FKBP6: variants seen among roughly 807,000 people sequenced by gnomAD.
FKBP6 encodes the protein inactive peptidyl-prolyl cis-trans isomerase FKBP6.
A neutral mutation model predicts 41.7 loss-of-function variants in FKBP6; 29 were observed. The ratio of observed to expected loss-of-function variants is 0.70; its 90% CI spans 0.52 to 0.95. FKBP6 has a LOEUF of 0.95. Ranked by LOEUF, FKBP6 falls within the 40% of genes least tolerant of loss-of-function variation. The probability of loss-of-function intolerance (pLI) is 0.00; values close to 1 mark genes in which losing one functional copy is unlikely to be tolerated. For missense variants in FKBP6, 338 were observed against 408.7 expected (o/e 0.83, Z 1.49); for synonymous variants, 130 against 165.1 (o/e 0.79, Z 1.63).
At chr7:73,335,987 C>A (rs1345785679) in intron 5 of FKBP6, among the ~76,000 whole-genome samples, 1 of 152,176 alleles carries the variant, frequency 6.6e-6, no homozygotes, top group Non-Finnish European at 1.5e-5. Context: ...TGTGTCTCCA[C>A]CTTTTGCTCA....
rs530329798 is a variant in FKBP6, at chr7:73,328,899, C to G, written c.175+207C>G. 1.1e-3 allele frequency among the ~76,000 whole-genome samples: 165 copies of G among 152,176 alleles called. 1 individual carries two copies. Among genetic ancestry groups the G allele is most frequent in the Non-Finnish European group, 2.0e-3 (138 of 68,008 alleles). On this transcript the variant is annotated intron_variant, in intron 2 of 8. Transcript: ENST00000252037. ...TCATAGCTCACTGCAGCCTCCACCT[C>G]CTGGGCTCGTGATTCTCCTGCCTCA...
At chr7:73,344,057 C>T (rs1481977144) in intron 8 of FKBP6, among the ~76,000 whole-genome samples, 1 of 152,252 alleles carries the variant, frequency 6.6e-6, no homozygotes, top group Non-Finnish European at 1.5e-5. Flanking sequence ...CCCTGGCCTT[C>T]AGGTCTTTCA....
At chr7:73,350,479 C>T (rs1373593458) in intron 8 of FKBP6, among the ~76,000 whole-genome samples, 3 of 152,004 alleles carry the variant, frequency 2.0e-5, no homozygotes, top group Admixed American at 6.6e-5. Flanking sequence ...TCAGGTGGTG[C>T]GTGACCCCGA....
chr7:73,358,078 GC>G (rs1389853154), intron 8 of FKBP6, 102 bp from the exon 9 acceptor site: 1 of 151,892 alleles, frequency 6.6e-6, no homozygotes, highest in African/African-American at 2.4e-5. Context: ...CACCGGCCAT[GC>G]CCTTCCCTGA....
At chr7:73,357,742 T>G (rs1338205432) in intron 8 of FKBP6, among the ~76,000 whole-genome samples, 1 of 151,794 alleles carries the variant, frequency 6.6e-6, no homozygotes, top group Admixed American at 6.6e-5. Context: ...CCCAGCACTT[T>G]GAGAGGCCGA....
chr7:73,332,484 C>T (rs1554547874), intron 5 of FKBP6, among the ~76,000 whole-genome samples: 1 of 149,654 alleles, frequency 6.7e-6, no homozygotes, highest in African/African-American at 2.5e-5. Context: ...GGCAAAAAAA[C>T]TCCCATCTCA....
chr7:73,341,409 G>T, intron 7 of FKBP6, 27 bp downstream of exon 7: 1 of 1,334,290 alleles, frequency 7.5e-7, no homozygotes, highest in South Asian at 1.2e-5. Context: ...GGAGCATGAA[G>T]AGAGATGGGT....
chr7:73,332,224 A>G (rs1399080466), intron 5 of FKBP6, among the ~76,000 whole-genome samples: 2 of 151,990 alleles, frequency 1.3e-5, no homozygotes, highest in African/African-American at 4.8e-5. Flanking sequence ...GAAAAATCTC[A>G]TTTAAAAAAA....
intron 7 of FKBP6, 73 bp downstream of exon 7, chr7:73,341,455 C>T (rs1158682603): frequency 2.1e-6 from 2 of 949,812 alleles, no homozygotes; most frequent in Non-Finnish European, 3.5e-6. Context: ...CCACCCCCCC[C>T]AACAAAGGAC....
At chr7:73,352,985 C>G (rs1166268903) in intron 8 of FKBP6, among the ~76,000 whole-genome samples, 1 of 152,166 alleles carries the variant, frequency 6.6e-6, no homozygotes, top group Non-Finnish European at 1.5e-5. Flanking sequence ...TTTGCTTCTC[C>G]AAGAAATGGC....
intron 8 of FKBP6, among the ~76,000 whole-genome samples, chr7:73,349,834 C>A (rs1394785796): frequency 6.6e-6 from 1 of 152,074 alleles, no homozygotes; most frequent in East Asian, 1.9e-4. Context: ...CTCTCCAAAC[C>A]CTGTTCTTTC....
rs573851537 is a variant in FKBP6 at position 73,343,219 on chromosome 7, G to C, written c.*2+320G>C. ...TGCCCAGGCTGGAGTGCAGTGGTGC[G>C]ATCTCAGCTCACTGCAAGCTCCGCC... On this transcript the variant is annotated intron_variant, in intron 8 of 8. Coordinates refer to ENST00000252037, the MANE Select transcript of FKBP6 (RefSeq NM_003602.5). Among the ~76,000 whole-genome samples the C allele has an allele frequency of 2.0e-5, 3 of 152,100 alleles. 1 individual carries two copies. In the South Asian group the frequency reaches 6.2e-4, roughly 32 times the overall value.
At chr7:73,332,056 G>C (rs1583798637) in intron 5 of FKBP6, among the ~76,000 whole-genome samples, 1 of 152,092 alleles carries the variant, frequency 6.6e-6, no homozygotes, top group East Asian at 1.9e-4. Context: ...AGTAGAGACA[G>C]AGTTTCACCG....
At chr7:73,337,348 C>CT (rs1280106528) in intron 5 of FKBP6, among the ~76,000 whole-genome samples, 1 of 138,238 alleles carries the variant, frequency 7.2e-6, no homozygotes, top group Non-Finnish European at 1.5e-5. Flanking sequence ...GAGTCTCACT[C>CT]TATCACCCAG....
chr7:73,331,409 C>T (rs1330588713), intron 4 of FKBP6, among the ~76,000 whole-genome samples: 1 of 152,182 alleles, frequency 6.6e-6, no homozygotes, highest in Non-Finnish European at 1.5e-5. Flanking sequence ...ACTGGTGTGG[C>T]TTCTGTCAGA....
chr7:73,349,592 T>C (rs1446845977), intron 8 of FKBP6, among the ~76,000 whole-genome samples: 1 of 145,866 alleles, frequency 6.9e-6, no homozygotes, highest in East Asian at 2.0e-4. Flanking sequence ...CGCACATCTG[T>C]AGTCCCAGCT....
intron 5 of FKBP6, among the ~76,000 whole-genome samples, chr7:73,332,154 G>A (rs1413015221): frequency 3.3e-5 from 5 of 151,942 alleles, no homozygotes; most frequent in South Asian, 2.1e-4. Context: ...GTGAGCTACC[G>A]CGCCCGGCAA....
At chr7:73,332,446 G>C (rs1804876983) in intron 5 of FKBP6, among the ~76,000 whole-genome samples, 1 of 151,242 alleles carries the variant, frequency 6.6e-6, no homozygotes, top group Non-Finnish European at 1.5e-5. Context: ...CCGAGATTGT[G>C]CCGTTGCATT....
In FKBP6 at chr7:73,328,374, G is replaced by A. The variant is rs1488155932; in HGVS notation, c.-55G>A. The A allele has an allele frequency of 4.5e-6, 7 of 1,569,750 alleles. No homozygotes were observed. In the Admixed American group the frequency reaches 5.8e-5, roughly 13 times the overall value. On this transcript the variant is annotated 5_prime_UTR_variant, in exon 1 of 9. Coordinates refer to ENST00000252037, the MANE Select transcript of FKBP6 (RefSeq NM_003602.5). ...ACCCCACCAGAGTCACAGCCAGGGA[G>A]GGCAGCGGGGCGCACCAGGCCGAAG...
Sources: allele counts gnomAD v4.1 joint callset (sites outside exome capture counted in the v4.1 genomes callset), GRCh38; gene constraint gnomAD v4.1.1; transcripts MANE v1.5; gene names NCBI Gene and HGNC (gene_info 2026-07-23, HGNC 2026-07-21).